The following STAU2 variants were observed in gnomAD, a reference collection of about 807,000 sequenced individuals.
The protein encoded by STAU2 is staufen double-stranded RNA binding protein 2.
A neutral mutation model predicts 65.9 loss-of-function variants in STAU2; 20 were observed. The ratio of observed to expected loss-of-function variants is 0.30; its 90% CI spans 0.21 to 0.44. The LOEUF (loss-of-function observed/expected upper bound fraction) is 0.44, where lower values mean the gene tolerates loss of function less well. Among genes scored for constraint, STAU2 ranks in the 20% least tolerant of loss-of-function variants. The probability of loss-of-function intolerance (pLI) is 1.00; values close to 1 mark genes in which losing one functional copy is unlikely to be tolerated. For synonymous variants in STAU2, 232 were observed against 233.9 expected, an observed-to-expected ratio of 0.99 and a Z score of 0.07; for missense variants, 558 against 683.9, an observed-to-expected ratio of 0.82 and a Z score of 2.05.
intron 13 of STAU2, among the ~76,000 whole-genome samples, chr8:73,475,202 TCA>T (rs1163300562): frequency 6.6e-6 from 1 of 152,138 alleles, no homozygotes; most frequent in Non-Finnish European, 1.5e-5. Flanking sequence ...ACAGGTGTGT[TCA>T]GTTTATGAAA....
intron 13 of STAU2, chr8:73,439,307 C>T (rs1316440359): frequency 4.1e-5 from 13 of 319,320 alleles, no homozygotes; most frequent in Middle Eastern, 1.1e-3. Context: ...GAAGGCAGGA[C>T]AGCAAGCTGG....
chr8:73,542,133 C>T (rs1440225179), intron 13 of STAU2, among the ~76,000 whole-genome samples: 1 of 152,016 alleles, frequency 6.6e-6, no homozygotes, highest in East Asian at 1.9e-4. Context: ...AAAAACACTC[C>T]TACATGTACC....
At position 73,743,693 on chromosome 8, in the gene STAU2, G is replaced by A. The variant is rs535694816; in HGVS notation, c.-197+3090C>T. On this transcript the variant is annotated intron_variant, in intron 1 of 14. Coordinates refer to ENST00000524300, the MANE Select transcript of STAU2 (RefSeq NM_001164380.2). Reference sequence around the variant, plus strand: ...TCTCCATGTTCGTCAGGCTGGTCTCGAACCCCCAACCCTCAGGTGATTCAC... The same window carrying A: ...TCTCCATGTTCGTCAGGCTGGTCTCAAACCCCCAACCCTCAGGTGATTCAC... Among the ~76,000 whole-genome samples the A allele has an allele frequency of 8.6e-5, 13 of 150,950 alleles. No homozygotes were observed. In the South Asian group the frequency reaches 1.7e-3, roughly 19 times the overall value.
intron 13 of STAU2, among the ~76,000 whole-genome samples, chr8:73,538,569 G>C (rs897336835): frequency 2.0e-5 from 3 of 150,594 alleles, no homozygotes; most frequent in African/African-American, 7.3e-5. Context: ...ATATGGAAAG[G>C]AAAAAGGGTA....
intron 12 of STAU2, among the ~76,000 whole-genome samples, chr8:73,560,270 C>T (rs969790415): frequency 4.6e-5 from 7 of 151,926 alleles, no homozygotes; most frequent in African/African-American, 7.2e-5. Context: ...TTAGTAGAGA[C>T]GGGGTTTCAC....
At chr8:73,729,848 T>C (rs933674809) in intron 3 of STAU2, among the ~76,000 whole-genome samples, 1 of 152,318 alleles carries the variant, frequency 6.6e-6, no homozygotes, top group African/African-American at 2.4e-5. Context: ...GTATTCTCTT[T>C]AATCCTTTTT....
intron 10 of STAU2, among the ~76,000 whole-genome samples, chr8:73,595,929 T>C: frequency 6.6e-6 from 1 of 152,034 alleles, no homozygotes; most frequent in Middle Eastern, 3.2e-3. Flanking sequence ...CTGGCCAATA[T>C]GGTGAAACCC....
At chr8:73,627,724 A>G (rs1319754818) in intron 6 of STAU2, among the ~76,000 whole-genome samples, 3 of 150,952 alleles carry the variant, frequency 2.0e-5, no homozygotes, top group Non-Finnish European at 4.4e-5. Flanking sequence ...TTGAATGGGA[A>G]CACGGCTAGT....
At chr8:73,570,705 G>T (rs1245517678) in intron 12 of STAU2, among the ~76,000 whole-genome samples, 1 of 152,132 alleles carries the variant, frequency 6.6e-6, no homozygotes, top group Non-Finnish European at 1.5e-5. Context: ...AGAGAGAAAG[G>T]TCATGTTACC....
intron 13 of STAU2, among the ~76,000 whole-genome samples, chr8:73,492,016 G>C (rs1453398945): frequency 6.6e-6 from 1 of 151,878 alleles, no homozygotes; most frequent in Non-Finnish European, 1.5e-5. Flanking sequence ...TGGCCACAGA[G>C]AAAGAGAGAG....
intron 6 of STAU2, among the ~76,000 whole-genome samples, chr8:73,628,550 G>A (rs766257387): frequency 3.9e-5 from 6 of 152,128 alleles, no homozygotes; most frequent in Non-Finnish European, 8.8e-5. Flanking sequence ...CTCTGAGAAT[G>A]CACTTTGAAA....
At chr8:73,614,577 C>T (rs1272402131) in intron 8 of STAU2, among the ~76,000 whole-genome samples, 1 of 152,120 alleles carries the variant, frequency 6.6e-6, no homozygotes, top group East Asian at 1.9e-4. Context: ...GACCTGTCAA[C>T]TATGAATGTA....
At chr8:73,520,492 T>C (rs10099672) in intron 13 of STAU2, among the ~76,000 whole-genome samples, 38,615 of 152,180 alleles carry the variant, frequency 0.25, 5,568 homozygotes, top group Middle Eastern at 0.35. Flanking sequence ...TGATCCCTTA[T>C]GTAGTAGTCC....
At chr8:73,697,870 A>G (rs183542023) in intron 4 of STAU2, among the ~76,000 whole-genome samples, 2 of 152,284 alleles carry the variant, frequency 1.3e-5, no homozygotes, top group East Asian at 1.9e-4. Flanking sequence ...GCTTGAGGTC[A>G]GAAGTTTGAG....
rs1405876140 is a variant in STAU2, at chr8:73,527,918, C to T, written c.1530+24094G>A. 1.2e-4 allele frequency: 15 copies of T among 126,606 alleles called. No homozygotes were observed. In the Admixed American group the frequency reaches 2.0e-3, roughly 17 times the overall value. The allele number at this position is 126,606 out of a possible 1,614,324, so 7.8% of individuals were successfully genotyped here. A position where few individuals can be genotyped will look rare whatever the true frequency, so the allele number is the denominator to read the frequency against. On this transcript the variant is annotated intron_variant, in intron 13 of 14. Coordinates refer to ENST00000524300, the MANE Select transcript of STAU2 (RefSeq NM_001164380.2). ...CAGAACACACTTTAAATATTTAAAA[C>T]CTTATTGAACCCCTCCAATATCTGG...
At chr8:73,570,777 G>A in intron 12 of STAU2, among the ~76,000 whole-genome samples, 1 of 152,200 alleles carries the variant, frequency 6.6e-6, no homozygotes, top group Non-Finnish European at 1.5e-5. Flanking sequence ...CAAGCCAGAA[G>A]AGAGTGGGGG....
chr8:73,501,464 T>C (rs1203561739), intron 13 of STAU2, among the ~76,000 whole-genome samples: 6 of 151,936 alleles, frequency 3.9e-5, no homozygotes. Context: ...ATACACCCTA[T>C]ATACACACAC....
chr8:73,522,400 T>C (rs1823089395), intron 13 of STAU2, among the ~76,000 whole-genome samples: 1 of 152,204 alleles, frequency 6.6e-6, no homozygotes, highest in Admixed American at 6.5e-5. Context: ...TTTAATAACA[T>C]ACACTAACCA....
At chr8:73,466,204 A>G (rs1376309191) in intron 13 of STAU2, among the ~76,000 whole-genome samples, 2 of 152,204 alleles carry the variant, frequency 1.3e-5, no homozygotes, top group Non-Finnish European at 2.9e-5. Flanking sequence ...AAGCCAAAAT[A>G]CCATGGTTCA....
Sources: gnomAD v4.1 joint callset for allele counts (sites outside exome capture counted in the v4.1 genomes callset) on GRCh38, gnomAD v4.1.1 for gene constraint, MANE v1.5 for transcripts, NCBI Gene and HGNC (gene_info 2026-07-23, HGNC 2026-07-21) for gene names.